Variants in SLC7A11 observed in about 807,000 individuals in gnomAD.
SLC7A11 encodes the protein solute carrier family 7 member 11.
In SLC7A11, 35 loss-of-function variants were observed where a neutral mutation model predicts 54.5. That is an observed-to-expected ratio of 0.64 (90% CI 0.49 to 0.85). The LOEUF is 0.85. Ranked by LOEUF, SLC7A11 falls within the 40% of genes least tolerant of loss-of-function variation. The pLI is 0.00. For missense variants in SLC7A11, 583 were observed against 618.1 expected (o/e 0.94, Z 0.60); for synonymous variants, 230 against 225.2 (o/e 1.02, Z -0.19).
intron 4 of SLC7A11, among the ~76,000 whole-genome samples, chr4:138,220,650 A>G (rs2148444119): frequency 6.6e-6 from 1 of 152,336 alleles, no homozygotes; most frequent in African/African-American, 2.4e-5. Context: ...TAGTCAGTCA[A>G]TATTCAAGCT....
chr4:138,221,168 A>T (rs981335024), intron 4 of SLC7A11, among the ~76,000 whole-genome samples: 2 of 152,180 alleles, frequency 1.3e-5, no homozygotes, highest in Non-Finnish European at 2.9e-5. Context: ...TTCTATAAAG[A>T]CTGGGTCACA....
chr4:138,207,818 T>C lies in SLC7A11; in HGVS notation c.791+6767A>G, dbSNP rs547302057. Reference sequence around the variant, plus strand: ...AGTCATGTAACTTTGCTACAACACATTTGGGCAAGATATTTTGCCTATTTT... The same window carrying C: ...AGTCATGTAACTTTGCTACAACACACTTGGGCAAGATATTTTGCCTATTTT... On this transcript the variant is annotated intron_variant, in intron 6 of 11. Transcript: ENST00000280612. Among the ~76,000 whole-genome samples the C allele has an allele frequency of 2.0e-5, 3 of 152,286 alleles. No individual in the cohort carries two copies. The South Asian group carries it at 6.2e-4, about 32-fold the overall frequency.
Position 138,242,189 on chromosome 4 carries a change from C to A in SLC7A11, c.-120G>T. On this transcript the variant is annotated 5_prime_UTR_variant, in exon 1 of 12. Transcript: ENST00000280612. The stretch of plus-strand genomic sequence containing the variant: ...TGCTTTCAGACTGTCTCTCTCAGCG[C>A]TATAGTGTTCACAGGTGAAAACTCA... 2.5e-6 allele frequency: 3 copies of A among 1,180,808 alleles called. No individual in the cohort carries two copies. Among genetic ancestry groups the A allele is most frequent in the Non-Finnish European group, 2.4e-6 (2 of 850,322 alleles). 73.1% of individuals were successfully genotyped at this position (1,180,808 alleles called of 1,614,324 possible).
At chr4:138,187,932 A>G (rs1182873145) in intron 6 of SLC7A11, among the ~76,000 whole-genome samples, 3 of 152,196 alleles carry the variant, frequency 2.0e-5, no homozygotes, top group East Asian at 3.8e-4. Context: ...CAATCTTACT[A>G]TCAGCCAAAT....
At chr4:138,221,807 A>G (rs1385480114) in intron 4 of SLC7A11, among the ~76,000 whole-genome samples, 1 of 152,230 alleles carries the variant, frequency 6.6e-6, no homozygotes, top group Non-Finnish European at 1.5e-5. Flanking sequence ...ACCAAAAAGA[A>G]GAAGAAAATA....
intron 9 of SLC7A11, 117 bp downstream of exon 9, chr4:138,182,180 T>C (rs1406511796): frequency 2.0e-5 from 13 of 635,666 alleles, no homozygotes; most frequent in Non-Finnish European, 3.4e-5. Context: ...AACTCCACCA[T>C]GACATACATT....
intron 6 of SLC7A11, among the ~76,000 whole-genome samples, chr4:138,201,585 G>A (rs183407084): frequency 8.5e-4 from 130 of 152,098 alleles, no homozygotes; most frequent in African/African-American, 2.9e-3. Flanking sequence ...TCCCATGGCC[G>A]GGTGTTTCAA....
chr4:138,179,201 T>A lies in SLC7A11; in HGVS notation c.1444+16A>T. 1 of 1,541,854 alleles carries A rather than the reference T, an allele frequency of 6.5e-7. No homozygotes were observed. Among genetic ancestry groups the A allele is most frequent in the East Asian group, 2.3e-5 (1 of 44,438 alleles). On this transcript the variant is annotated intron_variant, in intron 11 of 11. Transcript: ENST00000280612. Reference sequence around the variant, plus strand: ...ATGGTGTTGCACAATGTCCTGAAAGTATTTAAAATTCTTACCCGACATTAT... The same window carrying A: ...ATGGTGTTGCACAATGTCCTGAAAGAATTTAAAATTCTTACCCGACATTAT...
At chr4:138,192,982 T>C (rs1362959400) in intron 6 of SLC7A11, among the ~76,000 whole-genome samples, 1 of 152,154 alleles carries the variant, frequency 6.6e-6, no homozygotes, top group Non-Finnish European at 1.5e-5. Flanking sequence ...GATATATATG[T>C]TTTGGCATGG....
rs192407991 is a variant in SLC7A11 at position 138,240,552 on chromosome 4, C to T, written c.277+1241G>A. 4.8e-3 allele frequency among the ~76,000 whole-genome samples: 534 copies of T among 110,678 alleles called. 3 individuals carry two copies. The highest frequency in any genetic ancestry group is 3.9e-3 in the Non-Finnish European group (213 of 54,930). 72.6% of individuals were successfully genotyped at this position (110,678 alleles called of 152,430 possible). ...ACTGCACTCCAGCCTGGGCAAAGAG[C>T]GAGTCTCTGTCTCAAAAAAAAAAAA... On this transcript the variant is annotated intron_variant, in intron 1 of 11. Coordinates refer to ENST00000280612, the MANE Select transcript of SLC7A11 (RefSeq NM_014331.4).
At chr4:138,223,990 CAGA>C (rs1207180063) in intron 3 of SLC7A11, among the ~76,000 whole-genome samples, 1 of 152,160 alleles carries the variant, frequency 6.6e-6, no homozygotes, top group Admixed American at 6.5e-5. Flanking sequence ...GGTTCAAAGC[CAGA>C]AGAATTTTTC....
intron 10 of SLC7A11, among the ~76,000 whole-genome samples, chr4:138,179,616 T>A (rs1179414846): frequency 1.3e-5 from 2 of 152,174 alleles, no homozygotes; most frequent in Non-Finnish European, 2.9e-5. Flanking sequence ...ATTTAAATTG[T>A]TTTTAAATCT....
intron 6 of SLC7A11, among the ~76,000 whole-genome samples, chr4:138,210,633 CAT>C (rs1380661640): frequency 6.6e-6 from 1 of 152,018 alleles, no homozygotes; most frequent in African/African-American, 2.4e-5. Context: ...GGCCAGCAAA[CAT>C]ATGAAAAAAT....
chr4:138,200,785 T>C (rs1047415934), intron 6 of SLC7A11, among the ~76,000 whole-genome samples: 4 of 152,154 alleles, frequency 2.6e-5, no homozygotes, highest in African/African-American at 9.6e-5. Context: ...GTCAAATTAA[T>C]TGTGGTTTTA....
chr4:138,200,391 T>C (rs1737248209), intron 6 of SLC7A11, among the ~76,000 whole-genome samples: 1 of 152,162 alleles, frequency 6.6e-6, no homozygotes, highest in South Asian at 2.1e-4. Context: ...TCAACTAGCC[T>C]AGCACCCTCT....
chr4:138,196,703 G>A (rs1313127947), intron 6 of SLC7A11, among the ~76,000 whole-genome samples: 15 of 151,556 alleles, frequency 9.9e-5, no homozygotes, highest in East Asian at 3.9e-4. Flanking sequence ...CTTGTCACCC[G>A]GGCGGGAGTG....
intron 3 of SLC7A11, 128 bp downstream of exon 3, chr4:138,232,139 T>C (rs1456293404): frequency 2.8e-6 from 2 of 703,560 alleles, no homozygotes; most frequent in Non-Finnish European, 5.1e-6. Flanking sequence ...CAGTAGAAAT[T>C]TGGAACTGTA....
chr4:138,206,492 A>C (rs1469338287), intron 6 of SLC7A11, among the ~76,000 whole-genome samples: 5 of 151,634 alleles, frequency 3.3e-5, no homozygotes, highest in Non-Finnish European at 7.4e-5. Context: ...AAAGAAAGTA[A>C]AGCATCGCCC....
At chr4:138,207,600 G>A (rs1737439382) in intron 6 of SLC7A11, among the ~76,000 whole-genome samples, 1 of 152,088 alleles carries the variant, frequency 6.6e-6, no homozygotes, top group South Asian at 2.1e-4. Context: ...AGCTACTTGG[G>A]AGGCTGAGGC....
Sources: gnomAD v4.1 joint callset for allele counts (sites outside exome capture counted in the v4.1 genomes callset) on GRCh38, gnomAD v4.1.1 for gene constraint, MANE v1.5 for transcripts, NCBI Gene and HGNC (gene_info 2026-07-23, HGNC 2026-07-21) for gene names.